The following DPYD variants were observed in gnomAD, a reference collection of about 807,000 sequenced individuals.
DPYD encodes the protein dihydropyrimidine dehydrogenase.
In DPYD, 109 loss-of-function variants were observed where a neutral mutation model predicts 116.2. The observed-to-expected ratio is 0.94, with a 90% confidence interval of 0.80 to 1.10. DPYD has a LOEUF of 1.10. DPYD is among the 50% of genes least tolerant of loss of function. DPYD has a pLI of 0.00. For synonymous variants in DPYD, 440 were observed against 432.0 expected, an observed-to-expected ratio of 1.02 and a Z score of -0.23; for missense variants, 1,302 against 1,254.5, an observed-to-expected ratio of 1.04 and a Z score of -0.57.
chr1:97,679,366 G>A (rs1660318851), intron 7 of DPYD, among the ~76,000 whole-genome samples, 184 bp from the exon 8 acceptor site: 1 of 152,030 alleles, frequency 6.6e-6, no homozygotes, highest in Admixed American at 6.6e-5. Flanking sequence ...AATAGAACAG[G>A]AACATGTTCT....
chr1:97,631,386 A>G (rs1174119561), intron 8 of DPYD, among the ~76,000 whole-genome samples: 1 of 152,016 alleles, frequency 6.6e-6, no homozygotes, highest in Admixed American at 6.6e-5. Flanking sequence ...AACGAGCAAG[A>G]CTTATTAAGG....
In DPYD at chr1:97,613,343, G is replaced by A. The variant is rs1656064605; in HGVS notation, c.851-18177C>T. ...TTTCCTTTATCACACTCTTTGTTCA[G>A]TGTGCTCATAAAAATCAATCATAAC... On this transcript the variant is annotated intron_variant, in intron 8 of 22. Transcript: ENST00000370192. Among the ~76,000 whole-genome samples the A allele has an allele frequency of 2.0e-5, 3 of 152,072 alleles. No individual in the cohort carries two copies. In the South Asian group the frequency reaches 6.2e-4, roughly 32 times the overall value.
At chr1:97,599,716 T>A (rs1198075983) in intron 8 of DPYD, among the ~76,000 whole-genome samples, 1 of 150,406 alleles carries the variant, frequency 6.6e-6, no homozygotes, top group East Asian at 1.9e-4. Context: ...GGCCAAAGGC[T>A]GTGGCTCACA....
At chr1:97,597,351 T>G (rs1268845952) in intron 8 of DPYD, among the ~76,000 whole-genome samples, 2 of 152,222 alleles carry the variant, frequency 1.3e-5, no homozygotes, top group Non-Finnish European at 1.5e-5. Flanking sequence ...TCCATGTGGA[T>G]ACTTTGATAG....
chr1:97,660,882 C>T (rs1659216963), intron 8 of DPYD, among the ~76,000 whole-genome samples: 1 of 152,122 alleles, frequency 6.6e-6, no homozygotes, highest in Non-Finnish European at 1.5e-5. Flanking sequence ...TCACTCCCCG[C>T]TTAAATTTAA....
intron 19 of DPYD, among the ~76,000 whole-genome samples, chr1:97,227,770 A>C (rs1661289511): frequency 6.6e-6 from 1 of 152,118 alleles, no homozygotes; most frequent in Non-Finnish European, 1.5e-5. Context: ...TATATACCGA[A>C]GTATGTTGAG....
chr1:97,329,008 T>C (rs1010474763), intron 16 of DPYD, among the ~76,000 whole-genome samples: 2 of 152,176 alleles, frequency 1.3e-5, no homozygotes, highest in African/African-American at 4.8e-5. Context: ...TAAAGTTTGA[T>C]TAGAGAAAAT....
intron 19 of DPYD, among the ~76,000 whole-genome samples, chr1:97,231,644 A>G (rs958368584): frequency 1.3e-5 from 2 of 152,158 alleles, no homozygotes; most frequent in East Asian, 1.9e-4. Context: ...TTACAATTCA[A>G]GGTGAGATTT....
At chr1:97,541,901 C>A (rs960529450) in intron 12 of DPYD, among the ~76,000 whole-genome samples, 1 of 152,044 alleles carries the variant, frequency 6.6e-6, no homozygotes, top group Admixed American at 6.6e-5. Flanking sequence ...AATAAATATG[C>A]CTGGACTCCA....
chr1:97,102,511 TCG>T (rs566124071), intron 20 of DPYD, among the ~76,000 whole-genome samples: 455 of 2,738 alleles, frequency 0.17, 4 homozygotes, highest in Middle Eastern at 0.25. Context: ...TATACCTATT[TCG>T]TGTGTGTGTG....
chr1:97,784,037 T>C (rs1666892240), intron 3 of DPYD, among the ~76,000 whole-genome samples: 1 of 152,178 alleles, frequency 6.6e-6, no homozygotes, highest in Non-Finnish European at 1.5e-5. Context: ...TCACTTTCTT[T>C]TTGCTGTTAG....
At chr1:97,244,733 A>C (rs1397375353) in intron 18 of DPYD, among the ~76,000 whole-genome samples, 3 of 152,064 alleles carry the variant, frequency 2.0e-5, no homozygotes, top group Non-Finnish European at 4.4e-5. Flanking sequence ...TGCAGGAACA[A>C]GTAGTAAATT....
chr1:97,756,049 T>C (rs778269763), intron 3 of DPYD, among the ~76,000 whole-genome samples: 4 of 152,092 alleles, frequency 2.6e-5, no homozygotes, highest in Non-Finnish European at 5.9e-5. Flanking sequence ...AGCACCAACA[T>C]CATATTTATA....
chr1:97,799,579 G>T (rs1165597949), intron 3 of DPYD, among the ~76,000 whole-genome samples: 3 of 151,740 alleles, frequency 2.0e-5, no homozygotes, highest in Non-Finnish European at 4.4e-5. Flanking sequence ...CTGTGATTTG[G>T]TCTTTATCCC....
intron 16 of DPYD, among the ~76,000 whole-genome samples, chr1:97,344,145 G>A (rs947933996): frequency 1.3e-5 from 2 of 151,648 alleles, no homozygotes; most frequent in Non-Finnish European, 3.0e-5. Context: ...TAAATGAATT[G>A]AGGATAATTT....
chr1:97,439,613 G>C (rs55931309), intron 14 of DPYD, among the ~76,000 whole-genome samples: 24,256 of 151,876 alleles, frequency 0.16, 2,140 homozygotes, highest in South Asian at 0.29. Context: ...TTTGTTTCCT[G>C]ATCAGTCTGG....
At chr1:97,465,627 C>T (rs1044423113) in intron 13 of DPYD, among the ~76,000 whole-genome samples, 1 of 152,112 alleles carries the variant, frequency 6.6e-6, no homozygotes, top group African/African-American at 2.4e-5. Flanking sequence ...CTGTCATCCA[C>T]GTAAGTAAGA....
intron 5 of DPYD, chr1:97,720,319 C>G (rs1662852030): frequency 1.0e-6 from 1 of 985,178 alleles, no homozygotes; most frequent in African/African-American, 1.8e-5. Flanking sequence ...AAAGCTTGCC[C>G]TGGTTTAATG....
At chr1:97,729,470 G>A (rs1663464843) in intron 4 of DPYD, among the ~76,000 whole-genome samples, 1 of 151,798 alleles carries the variant, frequency 6.6e-6, no homozygotes, top group South Asian at 2.1e-4. Flanking sequence ...ACCCCTTTAG[G>A]CTTTTTGTCA....
Sources: gnomAD v4.1 joint callset for allele counts (sites outside exome capture counted in the v4.1 genomes callset) on GRCh38, gnomAD v4.1.1 for gene constraint, MANE v1.5 for transcripts, NCBI Gene and HGNC (gene_info 2026-07-23, HGNC 2026-07-21) for gene names.